Variants in EPHA6 observed in about 807,000 individuals in gnomAD.
EPHA6 encodes the protein EPH receptor A6.
EPHA6 carries 50 observed loss-of-function variants against 112.0 expected under a neutral mutation model. The ratio of observed to expected loss-of-function variants is 0.45; its 90% CI spans 0.36 to 0.56. The LOEUF (loss-of-function observed/expected upper bound fraction) is 0.56, where lower values mean the gene tolerates loss of function less well. EPHA6 is among the 20% of genes least tolerant of loss of function. The probability of loss-of-function intolerance (pLI) is 0.00; values close to 1 mark genes in which losing one functional copy is unlikely to be tolerated. For synonymous variants in EPHA6, 529 were observed against 490.7 expected (o/e 1.08, Z -1.03); for missense variants, 1,280 against 1,417.4 (o/e 0.90, Z 1.56).
chr3:97,483,902 C>T, intron 9 of EPHA6, 32 bp from the exon 10 acceptor site: 1 of 1,574,048 alleles, frequency 6.4e-7, no homozygotes, highest in Non-Finnish European at 8.6e-7. Flanking sequence ...GATACTCAAA[C>T]TAAATCAATC....
At chr3:96,906,648 T>A (rs1055045828) in intron 2 of EPHA6, among the ~76,000 whole-genome samples, 1 of 152,078 alleles carries the variant, frequency 6.6e-6, no homozygotes, top group Non-Finnish European at 1.5e-5. Flanking sequence ...TTGTTCTTTG[T>A]CATATTTTTC....
chr3:97,088,584 A>T (rs1576465599), intron 3 of EPHA6, among the ~76,000 whole-genome samples: 1 of 152,070 alleles, frequency 6.6e-6, no homozygotes, highest in East Asian at 1.9e-4. Flanking sequence ...GAAGACACAG[A>T]TTTCCTGAGA....
chr3:96,973,522 T>A (rs1439056046), intron 2 of EPHA6, among the ~76,000 whole-genome samples: 1 of 152,044 alleles, frequency 6.6e-6, no homozygotes, highest in Non-Finnish European at 1.5e-5. Context: ...AAATCTGTAC[T>A]ATTAAGAATC....
chr3:96,842,771 C>G (rs1392632504), intron 1 of EPHA6, among the ~76,000 whole-genome samples: 1 of 151,946 alleles, frequency 6.6e-6, no homozygotes, highest in Non-Finnish European at 1.5e-5. Flanking sequence ...AGAAAATTCC[C>G]CCAGAAAAAT....
At chr3:97,479,874 C>T (rs918136684) in intron 9 of EPHA6, among the ~76,000 whole-genome samples, 1 of 152,128 alleles carries the variant, frequency 6.6e-6, no homozygotes, top group African/African-American at 2.4e-5. Flanking sequence ...GATCTATTCC[C>T]AAGCAACCTA....
intron 10 of EPHA6, among the ~76,000 whole-genome samples, chr3:97,495,398 A>T (rs571900029): frequency 1.5e-4 from 23 of 151,808 alleles, no homozygotes; most frequent in African/African-American, 4.3e-4. Context: ...TGTATATTCT[A>T]GAAATATATA....
intron 2 of EPHA6, among the ~76,000 whole-genome samples, chr3:96,908,837 T>C (rs938553454): frequency 1.3e-5 from 2 of 151,998 alleles, no homozygotes; most frequent in African/African-American, 4.8e-5. Context: ...TATCTGGACT[T>C]ATTCGGAGGC....
chr3:97,184,564 A>C (rs2077071496), intron 3 of EPHA6, among the ~76,000 whole-genome samples: 1 of 152,184 alleles, frequency 6.6e-6, no homozygotes, highest in Non-Finnish European at 1.5e-5. Context: ...GAAATAAAAG[A>C]GGATACAAAC....
chr3:97,471,922 A>G (rs2091241686), intron 7 of EPHA6, among the ~76,000 whole-genome samples: 1 of 151,728 alleles, frequency 6.6e-6, no homozygotes, highest in South Asian at 2.1e-4. Context: ...CAAAGTTTCT[A>G]AGAGAGACTT....
intron 9 of EPHA6, 81 bp downstream of exon 9, chr3:97,479,445 T>C: frequency 2.1e-5 from 19 of 921,504 alleles, no homozygotes; most frequent in Middle Eastern, 2.3e-4. Context: ...ATCTATTGAG[T>C]TGAGAAAAAA....
chr3:97,384,721 A>G (rs1324533676), intron 5 of EPHA6, among the ~76,000 whole-genome samples: 5 of 152,194 alleles, frequency 3.3e-5, no homozygotes, highest in Non-Finnish European at 7.3e-5. Context: ...ATTTTAGATA[A>G]CATGAAATAA....
intron 1 of EPHA6, among the ~76,000 whole-genome samples, chr3:96,819,309 T>A: frequency 6.6e-6 from 1 of 152,186 alleles, no homozygotes; most frequent in East Asian, 1.9e-4. Flanking sequence ...TATTAAAAAA[T>A]ATTAGAGTAG....
chr3:97,227,750 T>C (rs1416761658), intron 4 of EPHA6, among the ~76,000 whole-genome samples: 2 of 138,892 alleles, frequency 1.4e-5, no homozygotes, highest in Admixed American at 7.2e-5. Context: ...ATGGGACCCA[T>C]GTACAAAAAA....
At chr3:97,452,080 G>C (rs1303873243) in intron 7 of EPHA6, among the ~76,000 whole-genome samples, 1 of 151,798 alleles carries the variant, frequency 6.6e-6, no homozygotes, top group Non-Finnish European at 1.5e-5. Context: ...AATTCCTTTT[G>C]AAAATCATAA....
intron 4 of EPHA6, among the ~76,000 whole-genome samples, chr3:97,240,699 CTT>C (rs1310087080): frequency 1.3e-5 from 2 of 151,760 alleles, no homozygotes; most frequent in Non-Finnish European, 2.9e-5. Flanking sequence ...CTGTGTCAGA[CTT>C]TATTTAAGCA....
intron 3 of EPHA6, among the ~76,000 whole-genome samples, chr3:97,016,561 T>G (rs2044273457): frequency 6.6e-6 from 1 of 152,226 alleles, no homozygotes; most frequent in African/African-American, 2.4e-5. Context: ...AATAGCTCTA[T>G]TAAGTAATAA....
chr3:97,445,703 TA>T (rs533276984), intron 6 of EPHA6, among the ~76,000 whole-genome samples: 12 of 149,204 alleles, frequency 8.0e-5, no homozygotes, highest in East Asian at 2.0e-4. Context: ...TGTAATAGAT[TA>T]AAAAAAAATA....
At chr3:97,377,320 C>T (rs1433121964) in intron 5 of EPHA6, among the ~76,000 whole-genome samples, 1 of 152,136 alleles carries the variant, frequency 6.6e-6, no homozygotes, top group Non-Finnish European at 1.5e-5. Flanking sequence ...ATAAGAAGTG[C>T]CTTTCGCCTC....
chr3:96,925,739 G>A (rs1180867367), intron 2 of EPHA6, among the ~76,000 whole-genome samples: 1 of 151,674 alleles, frequency 6.6e-6, no homozygotes, highest in East Asian at 1.9e-4. Context: ...CTGAGTAGCT[G>A]GGATTACGAG....
Sources: allele counts gnomAD v4.1 joint callset (sites outside exome capture counted in the v4.1 genomes callset), GRCh38; gene constraint gnomAD v4.1.1; transcripts MANE v1.5; gene names NCBI Gene and HGNC (gene_info 2026-07-23, HGNC 2026-07-21).